ADD1: variants seen among roughly 807,000 people sequenced by gnomAD.
ADD1 encodes alpha-adducin.
A neutral mutation model predicts 80.5 loss-of-function variants in ADD1; 24 were observed. That is an observed-to-expected ratio of 0.30 (90% CI 0.22 to 0.42). The LOEUF is 0.42. Ranked by LOEUF, ADD1 falls within the 10% of genes least tolerant of loss-of-function variation. ADD1 has a pLI of 1.00. For missense variants in ADD1, 948 were observed against 1,019.0 expected (o/e 0.93, Z 0.95); for synonymous variants, 373 against 393.8 (o/e 0.95, Z 0.63).
intron 1 of ADD1, among the ~76,000 whole-genome samples, chr4:2,851,910 C>T (rs887620935): frequency 5.9e-5 from 9 of 151,918 alleles, no homozygotes; most frequent in Middle Eastern, 3.4e-3. Flanking sequence ...GGCTCGATCT[C>T]GGCTCACCGC....
At chr4:2,920,724 C>T (rs1739878703) in intron 14 of ADD1, among the ~76,000 whole-genome samples, 1 of 148,602 alleles carries the variant, frequency 6.7e-6, no homozygotes. Context: ...TGAGCCAGTG[C>T]ATATCTTCGC....
chr4:2,904,409 G>T (rs1364907276), intron 9 of ADD1, among the ~76,000 whole-genome samples: 5 of 152,160 alleles, frequency 3.3e-5, no homozygotes, highest in Non-Finnish European at 7.4e-5. Context: ...TTGCAGGTTG[G>T]TCTCTTTCAC....
chr4:2,912,392 C>T (rs1458321810), intron 13 of ADD1, among the ~76,000 whole-genome samples: 2 of 152,192 alleles, frequency 1.3e-5, no homozygotes, highest in African/African-American at 4.8e-5. Context: ...GAGGAGGGAG[C>T]TCTCCACCAC....
At chr4:2,922,987 C>A (rs1216766320) in intron 14 of ADD1, among the ~76,000 whole-genome samples, 1 of 152,212 alleles carries the variant, frequency 6.6e-6, no homozygotes, top group Admixed American at 6.5e-5. Flanking sequence ...TGCCCCTCCC[C>A]CCACCAAGCT....
intron 14 of ADD1, among the ~76,000 whole-genome samples, chr4:2,922,683 C>T (rs1263344): frequency 0.81 from 123,740 of 152,238 alleles, 50,528 homozygotes; most frequent in Middle Eastern, 0.86. Flanking sequence ...GGAGATCCAC[C>T]GCTCTCTTCA....
At chr4:2,845,828 T>C (rs746197968) in intron 1 of ADD1, among the ~76,000 whole-genome samples, 10 of 152,240 alleles carry the variant, frequency 6.6e-5, no homozygotes, top group Non-Finnish European at 1.5e-4. Flanking sequence ...TGAAATGCTT[T>C]GAAAGATAAC....
intron 2 of ADD1, among the ~76,000 whole-genome samples, chr4:2,878,324 G>T (rs1731685841): frequency 6.6e-6 from 1 of 152,154 alleles, no homozygotes; most frequent in South Asian, 2.1e-4. Flanking sequence ...GGCCAAGGTG[G>T]CGTAGTAGAG....
At position 2,851,952 on chromosome 4, in the gene ADD1, C is replaced by T. The variant is rs572661332; in HGVS notation, c.-21+7928C>T. On this transcript the variant is annotated intron_variant, in intron 1 of 15. Coordinates refer to ENST00000683351, the MANE Select transcript of ADD1 (RefSeq NM_001354761.2). ...CGCCTCCCAGGTTCAAGCAATTCTA[C>T]TTCAGCCTCCCGAGTAGCTGAGATT... is the stretch of plus-strand genomic sequence containing the variant. Among the ~76,000 whole-genome samples, 11 of 152,062 alleles carry T rather than the reference C, an allele frequency of 7.2e-5. No homozygotes were observed. In the South Asian group the frequency reaches 2.3e-3, roughly 32 times the overall value.
At chr4:2,881,367 C>T (rs1356996014) in intron 2 of ADD1, among the ~76,000 whole-genome samples, 1 of 152,142 alleles carries the variant, frequency 6.6e-6, no homozygotes, top group Non-Finnish European at 1.5e-5. Context: ...GCATGAGCCA[C>T]TGTGCCCAGC....
At chr4:2,865,172 G>GTT (rs896384592) in intron 1 of ADD1, among the ~76,000 whole-genome samples, 1 of 142,758 alleles carries the variant, frequency 7.0e-6, no homozygotes, top group Non-Finnish European at 1.5e-5. Context: ...ATTTTCTCTT[G>GTT]TTTTTTTTTT....
intron 14 of ADD1, among the ~76,000 whole-genome samples, chr4:2,921,559 G>A (rs1009700677): frequency 6.6e-6 from 1 of 152,148 alleles, no homozygotes; most frequent in Non-Finnish European, 1.5e-5. Context: ...CTCTCTGGCT[G>A]CCCTTAACAT....
chr4:2,902,489 A>C (rs1736352453), intron 9 of ADD1: 1 of 152,274 alleles, frequency 6.6e-6, no homozygotes, highest in Non-Finnish European at 1.5e-5. Flanking sequence ...CTGTCATCCC[A>C]GCACTTTGGG....
In ADD1 at chr4:2,926,764, CTGTT is replaced by C; in HGVS notation, c.2047+654_2047+657del. 7.0e-7 allele frequency: 1 copy of C among 1,435,864 alleles called. No individual in the cohort carries two copies. Among genetic ancestry groups the C allele is most frequent in the Non-Finnish European group, 9.6e-7 (1 of 1,045,178 alleles). The allele number at this position is 1,435,864 out of a possible 1,614,324, so 88.9% of individuals were successfully genotyped here. On this transcript the variant is annotated intron_variant, in intron 15 of 15. Coordinates refer to ENST00000683351, the MANE Select transcript of ADD1 (RefSeq NM_001354761.2). This position sits in a 1 kb window ranked among gnomAD's most constrained non-coding sequence, Gnocchi z 5.0. ...TTTGTTGTTTATTAAGTTTTGTTTT[CTGTT>C]TATTTAAAATAAAAACAGAAGCCCC...
intron 4 of ADD1, 76 bp from the exon 5 acceptor site, chr4:2,893,937 C>A: frequency 7.3e-7 from 1 of 1,376,316 alleles, no homozygotes; most frequent in Admixed American, 1.7e-5. Context: ...TGAACAAACC[C>A]GTGAATTTGT....
chr4:2,890,660 G>C (rs1734161950), intron 4 of ADD1, among the ~76,000 whole-genome samples: 1 of 151,892 alleles, frequency 6.6e-6, no homozygotes, highest in African/African-American at 2.4e-5. Flanking sequence ...CGCCCTTCTC[G>C]CCCTCCCAAA....
chr4:2,886,764 A>G (rs1344430635), intron 4 of ADD1, among the ~76,000 whole-genome samples: 1 of 152,188 alleles, frequency 6.6e-6, no homozygotes, highest in Non-Finnish European at 1.5e-5. Flanking sequence ...TGGTGGGTCC[A>G]GTTAGCCTAG....
chr4:2,890,208 A>T (rs116127980), intron 4 of ADD1, among the ~76,000 whole-genome samples: 10 of 151,988 alleles, frequency 6.6e-5, no homozygotes, highest in African/African-American at 2.4e-4. Flanking sequence ...AAAAAAAAAA[A>T]GAAATAATAT....
chr4:2,912,612 G>A (rs1738266474), intron 13 of ADD1, among the ~76,000 whole-genome samples: 1 of 152,042 alleles, frequency 6.6e-6, no homozygotes. Context: ...CTGCAGCCTC[G>A]ACCTCTCAGG....
chr4:2,875,990 C>T lies in ADD1; in HGVS notation c.75C>T (p.Phe25=), dbSNP rs199855248. Residue 25 remains phenylalanine (F), a synonymous_variant, in exon 2 of 16, where the codon TTC becomes TTT. Coordinates refer to ENST00000683351, the MANE Select transcript of ADD1 (RefSeq NM_001354761.2). The stretch of plus-strand genomic sequence containing the variant: ...CAGCCCCTCACAAGGAGAGGTACTT[C>T]GACCGAGTAGATGAGAACAACCCAG... The part of the protein sequence containing the change: ...PTTAPHKERY[F]DRVDENNPEY... 1.8e-5 allele frequency: 29 copies of T among 1,613,858 alleles called. No homozygotes were observed. Among genetic ancestry groups the T allele is most frequent in the South Asian group, 1.1e-4 (10 of 91,040 alleles).
Sources: gnomAD v4.1 joint callset for allele counts (sites outside exome capture counted in the v4.1 genomes callset) on GRCh38, gnomAD v4.1.1 for gene constraint, Gnocchi (gnomAD v3.1) non-coding constraint, MANE v1.5 for transcripts, NCBI Gene and HGNC (gene_info 2026-07-23, HGNC 2026-07-21) for gene names.